The following CFAP20DC variants were observed in gnomAD, a reference collection of about 807,000 sequenced individuals.
CFAP20DC encodes the protein CFAP20 domain containing, also known as protein CFAP20DC.
A neutral mutation model predicts 101.7 loss-of-function variants in CFAP20DC; 84 were observed. The ratio of observed to expected loss-of-function variants is 0.83; its 90% CI spans 0.69 to 0.99. The LOEUF is 0.99. Ranked by LOEUF, CFAP20DC falls within the 50% of genes least tolerant of loss-of-function variation. The pLI is 0.00. For missense variants in CFAP20DC, 1,007 were observed against 970.3 expected (o/e 1.04, Z -0.50); for synonymous variants, 359 against 351.2 (o/e 1.02, Z -0.25).
chr3:58,846,495 C>G (rs1051467872), intron 13 of CFAP20DC, among the ~76,000 whole-genome samples: 1 of 151,970 alleles, frequency 6.6e-6, no homozygotes, highest in Admixed American at 6.6e-5. Flanking sequence ...CTACAAACCA[C>G]TGCTCAAGGA....
At chr3:58,812,092 T>G (rs1004225411) in intron 14 of CFAP20DC, among the ~76,000 whole-genome samples, 5 of 151,986 alleles carry the variant, frequency 3.3e-5, no homozygotes, top group African/African-American at 9.7e-5. Context: ...TAGGAACACT[T>G]TTACACTGTT....
intron 7 of CFAP20DC, among the ~76,000 whole-genome samples, chr3:58,872,369 T>C (rs2080300565): frequency 1.4e-5 from 2 of 146,186 alleles, no homozygotes; most frequent in Non-Finnish European, 2.9e-5. Flanking sequence ...ACCACTCCTA[T>C]GCATCAGTCT....
chr3:58,937,558 T>C (rs1000043831), intron 5 of CFAP20DC, 90 bp downstream of exon 5: 22 of 821,722 alleles, frequency 2.7e-5, no homozygotes, highest in Middle Eastern at 2.9e-4. Flanking sequence ...CCATCGTACT[T>C]AACAAAGTAC....
At chr3:59,040,227 C>T (rs1288983766) in intron 3 of CFAP20DC, among the ~76,000 whole-genome samples, 1 of 151,994 alleles carries the variant, frequency 6.6e-6, no homozygotes, top group Non-Finnish European at 1.5e-5. Context: ...TTAATGTTCA[C>T]TGAGAACTGA....
chr3:58,948,794 C>T (rs1559880324), intron 4 of CFAP20DC, among the ~76,000 whole-genome samples: 1 of 152,174 alleles, frequency 6.6e-6, no homozygotes, highest in African/African-American at 2.4e-5. Flanking sequence ...CAGGATGATG[C>T]TGGCCTCTTA....
At chr3:59,042,569 A>C (rs1362133039) in intron 3 of CFAP20DC, among the ~76,000 whole-genome samples, 3 of 152,046 alleles carry the variant, frequency 2.0e-5, no homozygotes, top group Non-Finnish European at 4.4e-5. Context: ...GAGTAATAGG[A>C]AATAGGTCAG....
chr3:59,029,978 T>C (rs2093959382), intron 4 of CFAP20DC, among the ~76,000 whole-genome samples: 1 of 152,192 alleles, frequency 6.6e-6, no homozygotes, highest in Admixed American at 6.5e-5. Context: ...CTACCCCATA[T>C]GCATAATCAT....
At chr3:58,856,265 GACACAC>G (rs536277954) in intron 12 of CFAP20DC, among the ~76,000 whole-genome samples, 2,386 of 124,102 alleles carry the variant, frequency 0.019, 56 homozygotes, top group African/African-American at 0.061. Flanking sequence ...TTCATCTTCT[GACACAC>G]ACACACACAC....
Position 58,859,452 on chromosome 3 carries a change from C to T in CFAP20DC, c.1593+4106G>A, listed in dbSNP as rs2108433646. On this transcript the variant is annotated intron_variant, in intron 12 of 16. Coordinates refer to ENST00000482387, the MANE Select transcript of CFAP20DC (RefSeq NM_001394063.1). This position sits in a 1 kb window ranked among gnomAD's most constrained non-coding sequence, Gnocchi z 4.1. ...CTATCTACAAGCAAATGCTTATCTG[C>T]AAGATGTCTATCATTTAGCAAAAAT... Among the ~76,000 whole-genome samples the T allele has an allele frequency of 6.6e-6, 1 of 152,296 alleles. No homozygotes were observed. The highest frequency in any genetic ancestry group is 2.1e-4 in the South Asian group (1 of 4,826).
intron 15 of CFAP20DC, among the ~76,000 whole-genome samples, chr3:58,775,067 G>A (rs1045964373): frequency 2.6e-5 from 4 of 152,166 alleles, no homozygotes; most frequent in Admixed American, 6.5e-5. Flanking sequence ...CACCCATGAC[G>A]CAGCCTCAGG....
chr3:58,891,482 C>G (rs2082259188), intron 6 of CFAP20DC, among the ~76,000 whole-genome samples: 1 of 130,712 alleles, frequency 7.7e-6, no homozygotes, highest in Non-Finnish European at 1.7e-5. Context: ...AGCTTTTTTA[C>G]TTTTTAATAG....
rs1475796558 is a variant in CFAP20DC, at chr3:58,721,721, T to C, written c.198-4093A>G. Among the ~76,000 whole-genome samples the C allele has an allele frequency of 6.6e-6, 1 of 152,178 alleles. No homozygotes were observed. The highest frequency in any genetic ancestry group is 2.4e-5 in the African/African-American group (1 of 41,454). On this transcript the variant is annotated intron_variant, in intron 3 of 3. Coordinates refer to the CFAP20DC transcript ENST00000486145. The surrounding 1 kb of genome is among the most constrained non-coding windows in gnomAD (Gnocchi z 5.2). ...ATGGCCACGATGCACAGCATCTAAT[T>C]TGTGGATTGAATGGGAAGGGATTTT...
intron 13 of CFAP20DC, among the ~76,000 whole-genome samples, chr3:58,841,744 GTC>G (rs1172527239): frequency 6.6e-6 from 1 of 152,146 alleles, no homozygotes; most frequent in East Asian, 1.9e-4. Flanking sequence ...TAAAAGTCAT[GTC>G]TCTTTCTTTT....
At position 59,006,391 on chromosome 3, in the gene CFAP20DC, C is replaced by A. The variant is rs1422637833; in HGVS notation, c.278+33166G>T. Among the ~76,000 whole-genome samples, 1 of 152,170 alleles carries A rather than the reference C, an allele frequency of 6.6e-6. No homozygotes were observed. Among genetic ancestry groups the A allele is most frequent in the Non-Finnish European group, 1.5e-5 (1 of 68,036 alleles). ...TGAACTTTCTTTCCAAGTACCACTG[C>A]AGGAATCTACCAGGAAAACTGGAAG... On this transcript the variant is annotated intron_variant, in intron 4 of 16. Transcript: ENST00000482387. The surrounding 1 kb of genome is among the most constrained non-coding windows in gnomAD (Gnocchi z 4.3).
chr3:59,027,881 G>A (rs1280245484), intron 4 of CFAP20DC, among the ~76,000 whole-genome samples: 4 of 152,122 alleles, frequency 2.6e-5, no homozygotes, highest in African/African-American at 9.7e-5. Flanking sequence ...TAAAATAAAT[G>A]TTAAAACCTG....
chr3:58,857,393 T>C (rs2078923100), intron 12 of CFAP20DC, among the ~76,000 whole-genome samples: 1 of 152,134 alleles, frequency 6.6e-6, no homozygotes, highest in Non-Finnish European at 1.5e-5. Flanking sequence ...GCATGAGCAG[T>C]TGATTATATA....
chr3:59,039,471 C>A, intron 4 of CFAP20DC, 86 bp downstream of exon 4: 1 of 758,638 alleles, frequency 1.3e-6, no homozygotes, highest in Non-Finnish European at 2.1e-6. Flanking sequence ...AAAACTGTCA[C>A]TTGCAATTAA....
intron 3 of CFAP20DC, among the ~76,000 whole-genome samples, chr3:58,733,544 G>T (rs1462508915): frequency 1.3e-5 from 2 of 152,154 alleles, no homozygotes; most frequent in Non-Finnish European, 2.9e-5. Flanking sequence ...TGAGCTGCTT[G>T]GCCCAGAACT....
intron 4 of CFAP20DC, among the ~76,000 whole-genome samples, chr3:58,991,542 G>T (rs924315152): frequency 6.6e-6 from 1 of 152,104 alleles, no homozygotes; most frequent in African/African-American, 2.4e-5. Context: ...TGGCACCAGA[G>T]ACTAGTTTTG....
Sources: gnomAD v4.1 joint callset for allele counts (sites outside exome capture counted in the v4.1 genomes callset) on GRCh38, gnomAD v4.1.1 for gene constraint, Gnocchi (gnomAD v3.1) non-coding constraint, MANE v1.5 for transcripts, NCBI Gene and HGNC (gene_info 2026-07-23, HGNC 2026-07-21) for gene names.